PSD3: variants seen among roughly 807,000 people sequenced by gnomAD.
The protein encoded by PSD3 is pleckstrin and Sec7 domain containing 3, also known as PH and SEC7 domain-containing protein 3.
PSD3 carries 49 observed loss-of-function variants against 105.5 expected under a neutral mutation model. That is an observed-to-expected ratio of 0.46 (90% CI 0.37 to 0.59). The LOEUF (loss-of-function observed/expected upper bound fraction) is 0.59. Among genes scored for constraint, PSD3 ranks in the 20% least tolerant of loss-of-function variants. The pLI is 0.00. For missense variants in PSD3, 1,561 were observed against 1,263.8 expected (o/e 1.24, Z -3.57); for synonymous variants, 557 against 457.8 (o/e 1.22, Z -2.77).
intron 4 of PSD3, among the ~76,000 whole-genome samples, chr8:18,828,136 G>C (rs1244787975): frequency 2.0e-5 from 3 of 148,434 alleles, no homozygotes; most frequent in Admixed American, 6.8e-5. Flanking sequence ...AAAAGTTGCA[G>C]GCAGCAGAGC....
intron 1 of PSD3, among the ~76,000 whole-genome samples, chr8:19,035,490 C>G (rs1827910177): frequency 6.8e-6 from 1 of 147,458 alleles, no homozygotes. Context: ...ATAATTTCAT[C>G]TTTGAATTAG....
At chr8:18,590,411 C>T (rs930448096) in intron 12 of PSD3, among the ~76,000 whole-genome samples, 3 of 152,022 alleles carry the variant, frequency 2.0e-5, no homozygotes, top group Non-Finnish European at 4.4e-5. Context: ...GACATGTGTT[C>T]GTGGACAAAC....
intron 11 of PSD3, among the ~76,000 whole-genome samples, chr8:18,614,688 G>C (rs1048912838): frequency 6.6e-6 from 1 of 152,058 alleles, no homozygotes; most frequent in African/African-American, 2.4e-5. Context: ...TTTTGAGACA[G>C]GGTGATTACA....
At chr8:18,881,389 C>A (rs1340258436) in intron 2 of PSD3, among the ~76,000 whole-genome samples, 1 of 152,116 alleles carries the variant, frequency 6.6e-6, no homozygotes, top group African/African-American at 2.4e-5. Context: ...AGATCGGCTG[C>A]AGAAAAACCA....
At chr8:18,738,031 T>A (rs1804281208) in intron 9 of PSD3, among the ~76,000 whole-genome samples, 1 of 152,132 alleles carries the variant, frequency 6.6e-6, no homozygotes, top group African/African-American at 2.4e-5. Context: ...ATTTTAAAAG[T>A]CTTAATCAGT....
At chr8:18,816,294 T>C (rs1211047831) in intron 4 of PSD3, among the ~76,000 whole-genome samples, 3 of 152,226 alleles carry the variant, frequency 2.0e-5, no homozygotes, top group African/African-American at 4.8e-5. Flanking sequence ...ACTTCCATCA[T>C]TCCCATTTTA....
At chr8:19,057,322 C>T (rs1231209892) in intron 1 of PSD3, among the ~76,000 whole-genome samples, 1 of 152,114 alleles carries the variant, frequency 6.6e-6, no homozygotes, top group Non-Finnish European at 1.5e-5. Context: ...TTGGTTTCAC[C>T]CCCATCTTTC....
At chr8:18,792,346 TGTA>T (rs1809801566) in intron 8 of PSD3, among the ~76,000 whole-genome samples, 1 of 152,102 alleles carries the variant, frequency 6.6e-6, no homozygotes, top group East Asian at 1.9e-4. Flanking sequence ...ATAAAGAAAA[TGTA>T]GTACATATAC....
chr8:18,803,226 G>A (rs1206174215), intron 6 of PSD3: 2 of 165,284 alleles, frequency 1.2e-5, no homozygotes, highest in East Asian at 2.2e-4. Flanking sequence ...GGTGGAGGTT[G>A]CAGTGAGCCA....
intron 15 of PSD3, among the ~76,000 whole-genome samples, chr8:18,551,936 G>C (rs1020872574): frequency 3.3e-5 from 5 of 152,120 alleles, no homozygotes; most frequent in African/African-American, 1.2e-4. Flanking sequence ...AGCCTTCAGG[G>C]ACCAGAGCAA....
rs544201459 is a variant in PSD3, at chr8:18,651,135, TC to T, written c.2216+4506del. On this transcript the variant is annotated intron_variant, in intron 10 of 15. Coordinates refer to ENST00000327040, the MANE Select transcript of PSD3 (RefSeq NM_015310.4). The stretch of plus-strand genomic sequence containing the variant: ...AGAGATAAAAGTGGAGCTGTTTTGA[TC>T]AGCTGAACTAGGCATAATACTTAAG... 2.0e-3 allele frequency among the ~76,000 whole-genome samples: 305 copies of T among 152,312 alleles called. 4 individuals are homozygous for T. Among genetic ancestry groups the T allele is most frequent in the Non-Finnish European group, 6.8e-4 (46 of 68,024 alleles).
intron 14 of PSD3, among the ~76,000 whole-genome samples, chr8:18,563,992 T>C (rs887477774): frequency 6.6e-6 from 1 of 152,104 alleles, no homozygotes; most frequent in Non-Finnish European, 1.5e-5. Flanking sequence ...AGTATTGAGA[T>C]ACAATTCACA....
chr8:18,611,959 T>C (rs890112951), intron 11 of PSD3, among the ~76,000 whole-genome samples: 2 of 152,216 alleles, frequency 1.3e-5, no homozygotes, highest in African/African-American at 4.8e-5. Context: ...AATTTCCCTC[T>C]TACCTTTCTC....
chr8:18,663,461 A>C (rs1366027286), intron 9 of PSD3, among the ~76,000 whole-genome samples: 1 of 152,128 alleles, frequency 6.6e-6, no homozygotes, highest in African/African-American at 2.4e-5. Context: ...AAACCGAATA[A>C]AAATGTAATT....
chr8:18,793,453 ACCTGCACAT>A (rs947560608), intron 8 of PSD3, among the ~76,000 whole-genome samples: 1 of 152,128 alleles, frequency 6.6e-6, no homozygotes, highest in African/African-American at 2.4e-5. Context: ...TATGTAACAA[ACCTGCACAT>A]CCTGCACATA....
intron 6 of PSD3, chr8:18,802,407 T>A: frequency 2.4e-6 from 1 of 416,010 alleles, no homozygotes; most frequent in South Asian, 1.8e-5. Context: ...TAAGAAATCT[T>A]ACTATGGTAA....
At chr8:18,816,992 A>C (rs1156331506) in intron 4 of PSD3, among the ~76,000 whole-genome samples, 2 of 152,190 alleles carry the variant, frequency 1.3e-5, no homozygotes, top group East Asian at 3.9e-4. Flanking sequence ...GTGGCTTTGC[A>C]AGCTATCTTC....
At chr8:18,852,538 C>T (rs900252071) in intron 4 of PSD3, among the ~76,000 whole-genome samples, 1 of 152,178 alleles carries the variant, frequency 6.6e-6, no homozygotes, top group African/African-American at 2.4e-5. Flanking sequence ...AACTGACATG[C>T]CCTCCACACT....
At chr8:18,571,676 C>T (rs1246198581) in intron 14 of PSD3, among the ~76,000 whole-genome samples, 1 of 152,136 alleles carries the variant, frequency 6.6e-6, no homozygotes, top group Non-Finnish European at 1.5e-5. Flanking sequence ...TTAAATTAAT[C>T]TATCATTGAT....
Sources: gnomAD v4.1 joint callset for allele counts (sites outside exome capture counted in the v4.1 genomes callset) on GRCh38, gnomAD v4.1.1 for gene constraint, MANE v1.5 for transcripts, NCBI Gene and HGNC (gene_info 2026-07-23, HGNC 2026-07-21) for gene names.